Variants in LRRC37A2 observed in about 807,000 individuals in gnomAD.
LRRC37A2 encodes leucine rich repeat containing 37 member A2.
LRRC37A2 carries 9 observed loss-of-function variants against 68.8 expected under a neutral mutation model. That is an observed-to-expected ratio of 0.13 (90% confidence interval 0.08 to 0.23). The LOEUF (loss-of-function observed/expected upper bound fraction) is 0.23, where lower values mean the gene tolerates loss of function less well. Ranked by LOEUF, LRRC37A2 falls within the 10% of genes least tolerant of loss-of-function variation. LRRC37A2 has a pLI of 1.00. For missense variants in LRRC37A2, 168 were observed against 950.4 expected (o/e 0.18, Z 10.82); for synonymous variants, 63 against 367.6 (o/e 0.17, Z 9.48).
At chr17:46,739,288 T>A in the LRRC37A2 span, among the ~76,000 whole-genome samples, 14 of 148,840 alleles carry the variant, frequency 9.4e-5, no homozygotes, top group Non-Finnish European at 2.1e-4. Context: ...GGAGAATCGC[T>A]TGAACCCAGG....
At chr17:47,001,255 T>C in the LRRC37A2 span, among the ~76,000 whole-genome samples, 2 of 152,166 alleles carry the variant, frequency 1.3e-5, no homozygotes, top group East Asian at 3.9e-4. Context: ...GAGCAAGGAA[T>C]ACTAAGTATT....
chr17:46,801,095 C>A, the LRRC37A2 span, among the ~76,000 whole-genome samples: 1 of 152,190 alleles, frequency 6.6e-6, no homozygotes, highest in South Asian at 2.1e-4. Flanking sequence ...CTCACAATAG[C>A]CCTCGTTATC....
At chr17:46,757,564 T>TA in the LRRC37A2 span, 1 of 152,502 alleles carries the variant, frequency 6.6e-6, no homozygotes, top group African/African-American at 2.4e-5. Flanking sequence ...CGTGTTTTGT[T>TA]ACAAGTAGCA....
chr17:46,815,284 A>T, the LRRC37A2 span, among the ~76,000 whole-genome samples: 1 of 152,140 alleles, frequency 6.6e-6, no homozygotes, highest in Non-Finnish European at 1.5e-5. Context: ...CGGCTCTGTC[A>T]CTACCTGGAG....
chr17:46,550,699 T>G, intron 11 of LRRC37A2, 180 bp downstream of exon 10: 1 of 647,636 alleles, frequency 1.5e-6, no homozygotes, highest in Non-Finnish European at 2.7e-6. Flanking sequence ...TTCAGGATTT[T>G]TAAAGGATCC....
At chr17:47,013,557 C>T in the LRRC37A2 span, among the ~76,000 whole-genome samples, 1 of 152,192 alleles carries the variant, frequency 6.6e-6, no homozygotes, top group Non-Finnish European at 1.5e-5. Flanking sequence ...TCCCTAGAGT[C>T]GTGGTTCCCT....
the LRRC37A2 span, among the ~76,000 whole-genome samples, chr17:46,738,532 G>C: frequency 2.0e-5 from 3 of 152,162 alleles, no homozygotes; most frequent in Admixed American, 6.5e-5. Flanking sequence ...TAATTGATGG[G>C]TCAGTATTTT....
chr17:46,978,972 C>T, the LRRC37A2 span: 1 of 1,448,908 alleles, frequency 6.9e-7, no homozygotes, highest in Middle Eastern at 2.3e-4. Context: ...CGTCCACCTC[C>T]TCCAAGCCGC....
chr17:47,001,134 T>C, the LRRC37A2 span, among the ~76,000 whole-genome samples: 1 of 152,058 alleles, frequency 6.6e-6, no homozygotes, highest in Non-Finnish European at 1.5e-5. Flanking sequence ...GCACTCCCGG[T>C]GTTCGGGGAC....
chr17:46,635,592 G>A, the LRRC37A2 span, among the ~76,000 whole-genome samples: 4 of 92,912 alleles, frequency 4.3e-5, no homozygotes, highest in African/African-American at 1.8e-4. Flanking sequence ...AGCAACTCCT[G>A]TCTACAAGCT....
At chr17:46,771,697 C>G in the LRRC37A2 span, among the ~76,000 whole-genome samples, 1 of 143,606 alleles carries the variant, frequency 7.0e-6, no homozygotes, top group Non-Finnish European at 1.5e-5. Context: ...CTCCCGCGGC[C>G]GGGCCGCGCC....
chr17:46,986,584 C>T, the LRRC37A2 span, among the ~76,000 whole-genome samples: 1 of 152,152 alleles, frequency 6.6e-6, no homozygotes, highest in Non-Finnish European at 1.5e-5. Context: ...CACTGCCAGC[C>T]GTCACAACAA....
At chr17:46,936,505 AT>A in the LRRC37A2 span, 1 of 985,352 alleles carries the variant, frequency 1.0e-6, no homozygotes, top group African/African-American at 1.7e-5. Flanking sequence ...TTGTCTCTTG[AT>A]TCCCTCCACC....
chr17:46,728,838 T>A, the LRRC37A2 span: 1 of 1,554,128 alleles, frequency 6.4e-7, no homozygotes. Context: ...CTAAACATAA[T>A]AATGTTTCTT....
chr17:46,529,632 G>A (rs1321958317), intron 6 of LRRC37A2, among the ~76,000 whole-genome samples: 1 of 73,784 alleles, frequency 1.4e-5, no homozygotes, highest in Non-Finnish European at 3.7e-5. Context: ...AACAAAGTGA[G>A]ACCCCAATCT....
the LRRC37A2 span, among the ~76,000 whole-genome samples, chr17:46,863,030 C>T: frequency 5.3e-5 from 8 of 152,350 alleles, no homozygotes; most frequent in African/African-American, 1.7e-4. Context: ...GTACAGGGCC[C>T]CACAGGGGCT....
chr17:46,807,221 G>A, the LRRC37A2 span, among the ~76,000 whole-genome samples: 4 of 152,234 alleles, frequency 2.6e-5, no homozygotes, highest in Non-Finnish European at 5.9e-5. Flanking sequence ...GGTGGCTTAC[G>A]CCTGTCATCT....
At chr17:47,012,764 A>G in the LRRC37A2 span, among the ~76,000 whole-genome samples, 1 of 152,252 alleles carries the variant, frequency 6.6e-6, no homozygotes, top group Non-Finnish European at 1.5e-5. Context: ...TAGAACCTTC[A>G]TATACTGTTG....
the LRRC37A2 span, among the ~76,000 whole-genome samples, chr17:46,934,319 A>G: frequency 6.6e-6 from 1 of 152,272 alleles, no homozygotes; most frequent in East Asian, 1.9e-4. Flanking sequence ...CCTGAGCAAC[A>G]TGGTGAAACC....
Sources: allele counts gnomAD v4.1 joint callset (sites outside exome capture counted in the v4.1 genomes callset), GRCh38; gene constraint gnomAD v4.1.1; transcripts MANE v1.5; gene names NCBI Gene and HGNC (gene_info 2026-07-23, HGNC 2026-07-21).